The following CUL1 variants were observed in gnomAD, a reference collection of about 807,000 sequenced individuals.
CUL1 encodes cullin 1, also known as cullin-1.
A neutral mutation model predicts 118.0 loss-of-function variants in CUL1; 24 were observed. The observed-to-expected ratio is 0.20, with a 90% CI of 0.15 to 0.29. CUL1 has a LOEUF of 0.29. Among genes scored for constraint, CUL1 ranks in the 10% least tolerant of loss-of-function variants. The pLI is 1.00. For missense variants in CUL1, 361 were observed against 933.8 expected, an observed-to-expected ratio of 0.39 and a Z score of 7.99; for synonymous variants, 332 against 340.4, an observed-to-expected ratio of 0.98 and a Z score of 0.27.
At chr7:148,725,363 C>G (rs1798544215) in intron 1 of CUL1, among the ~76,000 whole-genome samples, 1 of 152,234 alleles carries the variant, frequency 6.6e-6, no homozygotes, top group South Asian at 2.1e-4. Flanking sequence ...GGACTTGACT[C>G]CCAGTGTTAG....
chr7:148,752,471 C>G (rs182463507), intron 2 of CUL1, among the ~76,000 whole-genome samples: 5 of 151,776 alleles, frequency 3.3e-5, no homozygotes, highest in Admixed American at 3.3e-4. Flanking sequence ...TTGATTATTA[C>G]CTAGATTGGT....
intron 2 of CUL1, among the ~76,000 whole-genome samples, chr7:148,747,008 T>G (rs979190178): frequency 6.6e-6 from 1 of 152,254 alleles, no homozygotes; most frequent in Non-Finnish European, 1.5e-5. Context: ...GATAGTTTGC[T>G]AGCTAAGTAT....
chr7:148,767,447 A>G (rs1800045483), intron 8 of CUL1, among the ~76,000 whole-genome samples, 172 bp from the exon 9 acceptor site: 1 of 152,166 alleles, frequency 6.6e-6, no homozygotes, highest in Non-Finnish European at 1.5e-5. Context: ...AGCAAAATAT[A>G]CATATACCAA....
At chr7:148,786,695 A>G in intron 12 of CUL1, 96 bp downstream of exon 12, 1 of 1,038,612 alleles carries the variant, frequency 9.6e-7, no homozygotes, top group East Asian at 2.4e-5. Context: ...TGTGAAAAGT[A>G]ATAATCATTG....
chr7:148,723,284 C>T (rs1322922914), intron 1 of CUL1, among the ~76,000 whole-genome samples: 2 of 152,154 alleles, frequency 1.3e-5, no homozygotes, highest in African/African-American at 2.4e-5. Flanking sequence ...GCCGTATTCC[C>T]CTGAGGAACT....
intron 3 of CUL1, among the ~76,000 whole-genome samples, chr7:148,755,896 T>C (rs1799639313): frequency 6.6e-6 from 1 of 152,246 alleles, no homozygotes; most frequent in Non-Finnish European, 1.5e-5. Context: ...TAGTTTTCAT[T>C]GAAGACACTG....
chr7:148,783,778 T>C lies in CUL1; in HGVS notation c.1084-5T>C. 6.2e-7 allele frequency: 1 copy of C among 1,613,896 alleles called. No individual in the cohort carries two copies. Among genetic ancestry groups the C allele is most frequent in the Non-Finnish European group, 8.5e-7 (1 of 1,179,802 alleles). ...CTTTTGTTTCTATTTCTGCCCCCATTTAAGGACCCCAAAATGTATGTACAG... is the reference window on the plus strand; with the variant it reads ...CTTTTGTTTCTATTTCTGCCCCCATCTAAGGACCCCAAAATGTATGTACAG... On this transcript the variant is annotated splice_polypyrimidine_tract_variant and splice_region_variant and intron_variant, in intron 9 of 21. Transcript: ENST00000325222.
chr7:148,764,846 G>A (rs1799951799), intron 7 of CUL1, among the ~76,000 whole-genome samples: 1 of 152,158 alleles, frequency 6.6e-6, no homozygotes, highest in South Asian at 2.1e-4. Flanking sequence ...CACTGTTGCT[G>A]ATTATATAAA....
intron 9 of CUL1, among the ~76,000 whole-genome samples, chr7:148,782,718 C>T (rs973736559): frequency 2.0e-5 from 3 of 152,186 alleles, no homozygotes; most frequent in African/African-American, 7.2e-5. Context: ...TACTGATACT[C>T]ATTGTTATTT....
chr7:148,705,110 T>G (rs1461781817), intron 1 of CUL1, among the ~76,000 whole-genome samples: 1 of 152,218 alleles, frequency 6.6e-6, no homozygotes, highest in Non-Finnish European at 1.5e-5. Flanking sequence ...ATCTTAATCC[T>G]TCAGATACTT....
In CUL1 at chr7:148,798,586, T is replaced by C. The variant is rs781441428; in HGVS notation, c.2045T>C (p.Val682Ala). 5.0e-6 allele frequency: 8 copies of C among 1,613,582 alleles called. No homozygotes were observed. ...YLGYKNKKLR[V>A]NINVPMKTEQ... ...TTTCTTGATAGTAAGAAATTAAGGGTTAACATCAATGTGCCAATGAAAACC... is the reference window on the plus strand; with the variant it reads ...TTTCTTGATAGTAAGAAATTAAGGGCTAACATCAATGTGCCAATGAAAACC... The change falls in exon 20 of 22, where the codon GTT becomes GCT. Residue 682 changes from valine (V) to alanine (A), a missense_variant. Physicochemically the swap from Val to Ala is moderately conservative, Grantham distance 64. Around this residue, in one of 7 missense-constraint regions of CUL1, gnomAD observed 24 missense variants for 126.7 expected, o/e 0.19. Coordinates refer to ENST00000325222, the MANE Select transcript of CUL1 (RefSeq NM_003592.3).
At chr7:148,701,376 A>G (rs1389907419) in intron 1 of CUL1, among the ~76,000 whole-genome samples, 1 of 152,084 alleles carries the variant, frequency 6.6e-6, no homozygotes, top group Admixed American at 6.5e-5. Context: ...TATCTAGTAC[A>G]GGGCCCTAAC....
intron 1 of CUL1, 120 bp from the exon 2 acceptor site, chr7:148,729,842 A>T (rs978760141): frequency 6.3e-6 from 2 of 317,362 alleles, no homozygotes; most frequent in Non-Finnish European, 1.1e-5. Flanking sequence ...ATGTGTTTGC[A>T]CATAGAAAGA....
intron 1 of CUL1, among the ~76,000 whole-genome samples, chr7:148,717,748 T>C (rs1490994176): frequency 6.6e-6 from 1 of 152,168 alleles, no homozygotes; most frequent in African/African-American, 2.4e-5. Flanking sequence ...TCAGCCTCCC[T>C]GTACCTCTAC....
intron 11 of CUL1, among the ~76,000 whole-genome samples, chr7:148,786,070 G>A (rs1031839067): frequency 2.0e-5 from 3 of 152,158 alleles, no homozygotes; most frequent in Admixed American, 1.3e-4. Context: ...AGTTGTTAAA[G>A]GACAATCATC....
intron 1 of CUL1, among the ~76,000 whole-genome samples, chr7:148,721,951 G>A (rs1290535397): frequency 6.6e-6 from 1 of 152,150 alleles, no homozygotes; most frequent in Non-Finnish European, 1.5e-5. Flanking sequence ...AAGAGTTTCT[G>A]TAAGTCTAAA....
chr7:148,761,353 CA>C (rs1262295110), intron 7 of CUL1, among the ~76,000 whole-genome samples: 2 of 151,850 alleles, frequency 1.3e-5, no homozygotes, highest in Non-Finnish European at 2.9e-5. Flanking sequence ...ACTAAAAATA[CA>C]AAAAAATTTA....
intron 1 of CUL1, among the ~76,000 whole-genome samples, chr7:148,720,629 G>T (rs1798369022): frequency 6.6e-6 from 1 of 152,160 alleles, no homozygotes; most frequent in African/African-American, 2.4e-5. Flanking sequence ...GTAACTCCTA[G>T]GATTCCAAGC....
chr7:148,712,209 A>C (rs1798074166), intron 1 of CUL1, among the ~76,000 whole-genome samples: 1 of 152,238 alleles, frequency 6.6e-6, no homozygotes, highest in South Asian at 2.1e-4. Context: ...AGTGGGTTTC[A>C]TACAACAGCA....
Sources: allele counts gnomAD v4.1 joint callset (sites outside exome capture counted in the v4.1 genomes callset), GRCh38; gene constraint gnomAD v4.1.1; regional missense constraint gnomAD v4.1.1; transcripts MANE v1.5; gene names NCBI Gene and HGNC (gene_info 2026-07-23, HGNC 2026-07-21).